The following PABPN1 variants were observed in gnomAD, a reference collection of about 807,000 sequenced individuals.
PABPN1 encodes polyadenylate-binding protein 2.
In PABPN1, 5 loss-of-function variants were observed where a neutral mutation model predicts 33.4. The observed-to-expected ratio is 0.15, with a 90% CI of 0.08 to 0.32. The LOEUF (loss-of-function observed/expected upper bound fraction) is 0.32. Among genes scored for constraint, PABPN1 ranks in the 10% least tolerant of loss-of-function variants. The pLI, the probability that PABPN1 is intolerant of heterozygous loss-of-function variation, is 1.00. For synonymous variants in PABPN1, 176 were observed against 170.6 expected, an observed-to-expected ratio of 1.03 and a Z score of -0.25; for missense variants, 312 against 425.8, an observed-to-expected ratio of 0.73 and a Z score of 2.35.
chr14:23,325,168 G>A (rs986099061), intron 6 of PABPN1, 79 bp from the exon 7 acceptor site: 77 of 1,593,496 alleles, frequency 4.8e-5, no homozygotes, highest in Non-Finnish European at 6.4e-5. Flanking sequence ...CAGTAACTGG[G>A]GCAGGGGCCT....
chr14:23,322,760 A>C, intron 2 of PABPN1: 1 of 558,482 alleles, frequency 1.8e-6, no homozygotes. Flanking sequence ...ATTTGGAGGC[A>C]GGAGGGATTC....
intron 6 of PABPN1, 95 bp downstream of exon 6, chr14:23,324,384 C>T (rs1339213641): frequency 7.6e-7 from 1 of 1,322,688 alleles, no homozygotes; most frequent in Non-Finnish European, 1.0e-6. Flanking sequence ...CCCCCCACCC[C>T]TCCCCGTGGT....
Position 23,325,496 on chromosome 14 carries a change from T to G in PABPN1, c.*210T>G, listed in dbSNP as rs80204954. 1,941 of 631,746 alleles carry G rather than the reference T, an allele frequency of 3.1e-3. 41 individuals are homozygous for G. In the East Asian group the frequency reaches 0.04, roughly 13 times the overall value. 39.1% of individuals were successfully genotyped at this position (631,746 alleles called of 1,614,324 possible). On this transcript the variant is annotated 3_prime_UTR_variant, in exon 7 of 7. Transcript: ENST00000216727. ...GGGGAGTAGGGGAAGGCCCAGGGAG[T>G]GGGGCAGGGGGCTGCTTATTCACTC...
In PABPN1 at chr14:23,325,956, T is replaced by C. The variant is rs977937592; in HGVS notation, c.*670T>C. 1.3e-5 allele frequency: 2 copies of C among 151,892 alleles called. No individual in the cohort carries two copies. Among genetic ancestry groups the C allele is most frequent in the Admixed American group, 1.3e-4 (2 of 15,174 alleles). 9.4% of individuals were successfully genotyped at this position (151,892 alleles called of 1,614,324 possible). A position where few individuals can be genotyped will look rare whatever the true frequency, so the allele number is the denominator to read the frequency against. On this transcript the variant is annotated 3_prime_UTR_variant, in exon 7 of 7. Coordinates refer to ENST00000216727, the MANE Select transcript of PABPN1 (RefSeq NM_004643.4). The stretch of plus-strand genomic sequence containing the variant: ...AAATGCACTACCTTGTTTTGGGGGG[T>C]TTAGGGGTGTTTTTGTTTTTCAGTT...
Position 23,322,491 on chromosome 14 carries a change from C to T in PABPN1, c.466+196C>T, listed in dbSNP as rs1368779097. The T allele has an allele frequency of 9.6e-6, 6 of 623,836 alleles. No homozygotes were observed. In the East Asian group the frequency reaches 1.7e-4, roughly 18 times the overall value. The allele number at this position is 623,836 out of a possible 1,614,324, so 38.6% of individuals were successfully genotyped here. On this transcript the variant is annotated intron_variant, in intron 2 of 6. Transcript: ENST00000216727. ...GAACGTATATTTTGGTGGTGGTAGC[C>T]TTGTGCCTCCCTTTGTGCCTGTTAT...
Position 23,322,228 on chromosome 14 carries a change from T to C in PABPN1, c.399T>C (p.Ala133=), listed in dbSNP as rs1888360428. 6.2e-7 allele frequency: 1 copy of C among 1,611,026 alleles called. No homozygotes were observed. Among genetic ancestry groups the C allele is most frequent in the East Asian group, 2.2e-5 (1 of 44,862 alleles). The stretch of plus-strand genomic sequence containing the variant: ...GAGTCAGGGAGATGGAGGAAGAAGC[T>C]GAGAAGCTAAAGGAGCTACAGAACG... ...KARVREMEEE[A]EKLKELQNEV... Residue 133 remains alanine (A), a synonymous_variant, in exon 2 of 7, where the codon GCT becomes GCC. Coordinates refer to ENST00000216727, the MANE Select transcript of PABPN1 (RefSeq NM_004643.4).
chr14:23,323,754 C>T (rs1019561685), intron 4 of PABPN1, among the ~76,000 whole-genome samples: 1 of 152,070 alleles, frequency 6.6e-6, no homozygotes, highest in African/African-American at 2.4e-5. Flanking sequence ...GAAATTCAGG[C>T]CCTGTGTGTC....
rs1320330653 is a variant in PABPN1, at chr14:23,325,982, GTTTTGTTT to G, written c.*709_*716del. On this transcript the variant is annotated 3_prime_UTR_variant, in exon 7 of 7. Transcript: ENST00000216727. ...TTAGGGGTGTTTTTGTTTTTCAGTT[GTTTTGTTT>G]TTTTGTTTTTTTTTTTTTTCCTTTG... The G allele has an allele frequency of 3.9e-5, 4 of 103,816 alleles. No individual in the cohort carries two copies. The highest frequency in any genetic ancestry group is 7.8e-5 in the African/African-American group (2 of 25,642). The allele number at this position is 103,816 out of a possible 1,614,324, so 6.4% of individuals were successfully genotyped here.
chr14:23,324,413 C>T, intron 6 of PABPN1, 124 bp downstream of exon 6: 5 of 1,279,394 alleles, frequency 3.9e-6, no homozygotes, highest in African/African-American at 1.5e-5. Flanking sequence ...ACTTTGTCTC[C>T]TGCCTGTGCA....
In PABPN1 at chr14:23,321,465, C is replaced by CGGCGAT. The variant is rs1186823086; in HGVS notation, c.1_6dup. On this transcript the variant is annotated 5_prime_UTR_variant, in exon 1 of 7. The change creates a new upstream start codon in the 5' untranslated region. Coordinates refer to ENST00000216727, the MANE Select transcript of PABPN1 (RefSeq NM_004643.4). ...GCCGGGCGGCGGGCCCCAGTCTGAG[C>CGGCGAT]GGCGATGGCGGCGGCGGCGGCGGCG... The CGGCGAT allele has an allele frequency of 2.6e-6, 3 of 1,150,676 alleles. No homozygotes were observed. The highest frequency in any genetic ancestry group is 3.2e-6 in the Non-Finnish European group (3 of 937,872). 71.3% of individuals were successfully genotyped at this position (1,150,676 alleles called of 1,614,324 possible).
chr14:23,321,670 G>A lies in PABPN1; in HGVS notation c.201G>A (p.Glu67=), dbSNP rs1301886427. Residue 67 remains glutamate, a synonymous_variant, in exon 1 of 7, where the codon GAG becomes GAA. Transcript: ENST00000216727. ...PEELLLEPEP[E]PEPEEEPPRP... is the part of the protein sequence containing the mutation. ...AGCTGCTGCTGGAGCCCGAGCCGGA[G>A]CCCGAGCCCGAAGAGGAGCCGCCCC... 3 of 1,521,114 alleles carry A rather than the reference G, an allele frequency of 2.0e-6. No individual in the cohort carries two copies. The highest frequency in any genetic ancestry group is 2.7e-6 in the Non-Finnish European group (3 of 1,123,826). 94.2% of individuals were successfully genotyped at this position (1,521,114 alleles called of 1,614,324 possible).
intron 6 of PABPN1, 101 bp downstream of exon 6, chr14:23,324,390 G>T: frequency 6.8e-7 from 1 of 1,473,254 alleles, no homozygotes; most frequent in Non-Finnish European, 9.1e-7. Flanking sequence ...ACCCCTCCCC[G>T]TGGTCTTCAG....
chr14:23,325,515 T>A lies in PABPN1; in HGVS notation c.*229T>A, dbSNP rs1203121669. 2 of 577,188 alleles carry A rather than the reference T, an allele frequency of 3.5e-6. No homozygotes were observed. Among genetic ancestry groups the A allele is most frequent in the Non-Finnish European group, 6.0e-6 (2 of 334,030 alleles). The allele number at this position is 577,188 out of a possible 1,614,324, so 35.8% of individuals were successfully genotyped here. Reference sequence around the variant, plus strand: ...AGGGAGTGGGGCAGGGGGCTGCTTATTCACTCTGGGGATTCGCCATGGACA... The same window carrying A: ...AGGGAGTGGGGCAGGGGGCTGCTTAATCACTCTGGGGATTCGCCATGGACA... On this transcript the variant is annotated 3_prime_UTR_variant, in exon 7 of 7. Transcript: ENST00000216727.
intron 2 of PABPN1, chr14:23,322,793 T>G (rs762944137): frequency 4.8e-6 from 3 of 625,734 alleles, no homozygotes; most frequent in Non-Finnish European, 8.6e-6. Context: ...AAGTGTGTAT[T>G]AATTCTTTCA....
chr14:23,323,573 G>T (rs1888495623), intron 4 of PABPN1, 90 bp downstream of exon 4: 1 of 1,181,602 alleles, frequency 8.5e-7, no homozygotes, highest in Admixed American at 1.8e-5. Context: ...GTTATTTGGT[G>T]TTAACACAGG....
intron 2 of PABPN1, 64 bp downstream of exon 2, chr14:23,322,359 G>A: frequency 7.1e-7 from 1 of 1,409,642 alleles, no homozygotes; most frequent in Non-Finnish European, 9.8e-7. Context: ...TGGGGAGGAT[G>A]GGGAATGTGG....
chr14:23,322,727 C>G (rs1345021164), intron 2 of PABPN1: 1 of 518,016 alleles, frequency 1.9e-6, no homozygotes, highest in Non-Finnish European at 3.5e-6. Context: ...GCATTTCAAC[C>G]AAAGCCATTC....
In PABPN1 at chr14:23,322,310, G is replaced by C; in HGVS notation, c.466+15G>C. On this transcript the variant is annotated intron_variant, in intron 2 of 6. Transcript: ENST00000216727. ...TCCAGGCAATGGTGAGTAACTGGCG[G>C]TTGCACGCGGAGCCCGGGTTCTCGG... The C allele has an allele frequency of 6.3e-7, 1 of 1,584,580 alleles. No individual in the cohort carries two copies.
chr14:23,322,131 T>TG (rs1566467928), intron 1 of PABPN1, 50 bp from the exon 2 acceptor site: 6 of 1,549,464 alleles, frequency 3.9e-6, no homozygotes. Context: ...GCACAGCCCC[T>TG]GCGTTGGTTC....
Sources: gnomAD v4.1 joint callset for allele counts (sites outside exome capture counted in the v4.1 genomes callset) on GRCh38, gnomAD v4.1.1 for gene constraint, MANE v1.5 for transcripts, NCBI Gene and HGNC (gene_info 2026-07-23, HGNC 2026-07-21) for gene names.